The following IMMP1L variants were observed in gnomAD, a reference collection of about 807,000 sequenced individuals.
IMMP1L encodes mitochondrial inner membrane protease subunit 1.
In IMMP1L, 24 loss-of-function variants were observed where a neutral mutation model predicts 21.8. That is an observed-to-expected ratio of 1.10 (90% confidence interval 0.80 to 1.55). The LOEUF (loss-of-function observed/expected upper bound fraction) is 1.55, where lower values mean the gene tolerates loss of function less well. Among genes scored for constraint, IMMP1L ranks in the 40% most tolerant of loss-of-function variants. The pLI is 0.00. For missense variants in IMMP1L, 195 were observed against 200.7 expected (o/e 0.97, Z 0.17); for synonymous variants, 46 against 62.8 (o/e 0.73, Z 1.26).
intron 4 of IMMP1L, among the ~76,000 whole-genome samples, chr11:31,439,212 A>G (rs1399903416): frequency 6.6e-6 from 1 of 151,860 alleles, no homozygotes; most frequent in African/African-American, 2.4e-5. Context: ...TCTTCTACCC[A>G]CTATCCTGGG....
rs1193761019 is a variant in IMMP1L, at chr11:31,433,459, C to T, written c.432+1G>A. ...CTTACATTTTAAGCAGAAAATGGTA[C>T]CTTAAAGAAGATTCGTCCTCTTATT... On this transcript the variant is annotated splice_donor_variant, in intron 5 of 5. Coordinates refer to ENST00000532287, the MANE Select transcript of IMMP1L (RefSeq NM_001304274.2). LOFTEE classifies it high-confidence loss of function. The T allele has an allele frequency of 3.3e-6, 5 of 1,524,262 alleles. No homozygotes were observed. In the African/African-American group the frequency reaches 4.2e-5, roughly 13 times the overall value. The allele number at this position is 1,524,262 out of a possible 1,614,324, so 94.4% of individuals were successfully genotyped here.
At chr11:31,437,623 G>T (rs1222342551) in intron 4 of IMMP1L, among the ~76,000 whole-genome samples, 1 of 152,122 alleles carries the variant, frequency 6.6e-6, no homozygotes, top group Non-Finnish European at 1.5e-5. Context: ...TTTATATACA[G>T]TAAAATGCAC....
chr11:31,460,768 A>G lies in IMMP1L; in HGVS notation c.106-54T>C, dbSNP rs971440248. 3 of 1,183,240 alleles carry G rather than the reference A, an allele frequency of 2.5e-6. No individual in the cohort carries two copies. The African/African-American group carries it at 4.6e-5, about 18-fold the overall frequency. 73.3% of individuals were successfully genotyped at this position (1,183,240 alleles called of 1,614,324 possible). On this transcript the variant is annotated intron_variant, in intron 2 of 5. Transcript: ENST00000532287. ...ATTCAAAATCTCTTTTAAATTTAAC[A>G]TAAATCTTTTAAGCAAGCTTAAAAG...
At chr11:31,473,194 C>T (rs951241665) in intron 1 of IMMP1L, among the ~76,000 whole-genome samples, 1 of 152,098 alleles carries the variant, frequency 6.6e-6, no homozygotes, top group Non-Finnish European at 1.5e-5. Flanking sequence ...GGACTACAGG[C>T]GCCTGCCACC....
intron 4 of IMMP1L, among the ~76,000 whole-genome samples, chr11:31,455,462 C>T (rs1449718820): frequency 6.6e-6 from 1 of 152,170 alleles, no homozygotes; most frequent in Non-Finnish European, 1.5e-5. Flanking sequence ...ATTCTATCTA[C>T]TCTTCATTCT....
intron 4 of IMMP1L, among the ~76,000 whole-genome samples, chr11:31,441,916 A>T (rs1203767585): frequency 3.3e-5 from 5 of 152,198 alleles, no homozygotes; most frequent in African/African-American, 7.2e-5. Context: ...TTTGTTCATT[A>T]CGTCTCATAA....
chr11:31,463,177 C>A lies in IMMP1L; in HGVS notation c.100G>T (p.Val34Phe). Residue 34 changes from valine to phenylalanine, a missense_variant, in exon 2 of 6, where the codon GTC becomes TTC. Val to Phe is a conservative substitution (Grantham distance 50, BLOSUM62 -1). Coordinates refer to ENST00000532287, the MANE Select transcript of IMMP1L (RefSeq NM_001304274.2). ...TCTTGAACATAAAAACTTACCATGA[C>A]AACACCACCAACGTATTCAAAAGCA... is the stretch of plus-strand genomic sequence containing the variant. ...HCAFEYVGGV[V>F]MCSGPSMEPT... is the part of the protein sequence containing the mutation. The A allele has an allele frequency of 6.3e-7, 1 of 1,599,824 alleles. No individual in the cohort carries two copies. The highest frequency in any genetic ancestry group is 8.5e-7 in the Non-Finnish European group (1 of 1,174,484).
At chr11:31,484,381 G>A (rs1350942239) in intron 1 of IMMP1L, among the ~76,000 whole-genome samples, 1 of 151,614 alleles carries the variant, frequency 6.6e-6, no homozygotes, top group Non-Finnish European at 1.5e-5. Context: ...ACATTGTTTT[G>A]AATTCTGCTT....
At chr11:31,446,399 C>T (rs2133585369) in intron 4 of IMMP1L, among the ~76,000 whole-genome samples, 1 of 152,256 alleles carries the variant, frequency 6.6e-6, no homozygotes, top group South Asian at 2.1e-4. Context: ...TAAATAAAAA[C>T]TAAGCCTGAT....
At chr11:31,473,198 T>C (rs61345509) in intron 1 of IMMP1L, among the ~76,000 whole-genome samples, 3,066 of 152,190 alleles carry the variant, frequency 0.02, 89 homozygotes, top group African/African-American at 0.069. Context: ...TACAGGCGCC[T>C]GCCACCACGC....
chr11:31,498,021 C>T (rs936607015), intron 1 of IMMP1L, among the ~76,000 whole-genome samples: 2 of 152,018 alleles, frequency 1.3e-5, no homozygotes, highest in African/African-American at 2.4e-5. Context: ...TTCCAATGCT[C>T]AGTGAGAGAA....
At chr11:31,498,148 C>T (rs1489881429) in intron 1 of IMMP1L, among the ~76,000 whole-genome samples, 2 of 151,978 alleles carry the variant, frequency 1.3e-5, no homozygotes, top group African/African-American at 4.8e-5. Flanking sequence ...CTTAGAATAC[C>T]AAATGGACTA....
intron 4 of IMMP1L, among the ~76,000 whole-genome samples, chr11:31,455,045 A>ACCAT (rs1953893817): frequency 6.6e-6 from 1 of 152,230 alleles, no homozygotes; most frequent in African/African-American, 2.4e-5. Context: ...CACTGTTATC[A>ACCAT]CCATAAGTTA....
At chr11:31,437,328 C>G (rs1312679322) in intron 4 of IMMP1L, among the ~76,000 whole-genome samples, 1 of 151,846 alleles carries the variant, frequency 6.6e-6, no homozygotes, top group Non-Finnish European at 1.5e-5. Context: ...ATAATTTGTC[C>G]AAGGAACAAA....
chr11:31,483,950 T>C (rs1233317025), intron 1 of IMMP1L, among the ~76,000 whole-genome samples: 1 of 151,912 alleles, frequency 6.6e-6, no homozygotes, highest in Non-Finnish European at 1.5e-5. Context: ...TATAATACTT[T>C]TTTTCTTATA....
rs541515926 is a variant in IMMP1L, at chr11:31,501,409, TGA to T, written c.-30+8108_-30+8109del. Among the ~76,000 whole-genome samples the T allele has an allele frequency of 1.6e-3, 243 of 152,274 alleles. 2 individuals carry two copies. Among genetic ancestry groups the T allele is most frequent in the African/African-American group, 5.6e-3 (233 of 41,554 alleles). ...TATAAATGAGATTGAGGCTGAGAGT[TGA>T]CTCTTGTTCTCTCTTGCTCTCTCTT... On this transcript the variant is annotated intron_variant, in intron 1 of 5. Transcript: ENST00000532287.
rs562233026 is a variant in IMMP1L, at chr11:31,492,391, A to C, written c.-30+17128T>G. 1.4e-4 allele frequency among the ~76,000 whole-genome samples: 22 copies of C among 152,368 alleles called. No individual in the cohort carries two copies. In the East Asian group the frequency reaches 4.2e-3, roughly 29 times the overall value. Reference sequence around the variant, plus strand: ...TACTCTGGATTAGACTTTGACTTGAAGGAACATTGTGGCTGGTTTGATCTA... The same window carrying C: ...TACTCTGGATTAGACTTTGACTTGACGGAACATTGTGGCTGGTTTGATCTA... On this transcript the variant is annotated intron_variant, in intron 1 of 5. Transcript: ENST00000532287.
intron 4 of IMMP1L, among the ~76,000 whole-genome samples, chr11:31,440,674 A>T (rs1953294763): frequency 6.6e-6 from 1 of 152,192 alleles, no homozygotes; most frequent in African/African-American, 2.4e-5. Context: ...TACAGTCGTG[A>T]GCCACTGCGC....
rs573920812 is a variant in IMMP1L, at chr11:31,451,600, T to G, written c.321+4660A>C. 5.3e-5 allele frequency among the ~76,000 whole-genome samples: 8 copies of G among 152,254 alleles called. No homozygotes were observed. The South Asian group carries it at 1.7e-3, about 32-fold the overall frequency. ...TGGGAAGTGTATGGAAGGAGCCATT[T>G]TGGGACAGAAAATCAGGATTTTAGC... On this transcript the variant is annotated intron_variant, in intron 4 of 5. Transcript: ENST00000532287.
Sources: gnomAD v4.1 joint callset for allele counts (sites outside exome capture counted in the v4.1 genomes callset) on GRCh38, gnomAD v4.1.1 for gene constraint, MANE v1.5 for transcripts, NCBI Gene and HGNC (gene_info 2026-07-23, HGNC 2026-07-21) for gene names.